Variants in NEK11 observed in about 807,000 individuals in gnomAD.
NEK11 encodes the protein serine/threonine-protein kinase Nek11.
In NEK11, 72 loss-of-function variants were observed where a neutral mutation model predicts 80.7. That is an observed-to-expected ratio of 0.89 (90% CI 0.74 to 1.08). The LOEUF is 1.08. NEK11 is among the 50% of genes least tolerant of loss of function. The pLI is 0.00. For missense variants in NEK11, 764 were observed against 763.6 expected (o/e 1.00, Z -0.01); for synonymous variants, 251 against 260.7 (o/e 0.96, Z 0.36).
intron 16 of NEK11, among the ~76,000 whole-genome samples, chr3:131,271,143 A>T (rs951470355): frequency 2.0e-5 from 3 of 152,050 alleles, no homozygotes; most frequent in Non-Finnish European, 4.4e-5. Context: ...GGCCGAGGCA[A>T]ATTTTCTCTC....
intron 3 of NEK11, among the ~76,000 whole-genome samples, chr3:131,058,383 G>A (rs1486816569): frequency 2.0e-5 from 3 of 152,064 alleles, no homozygotes; most frequent in African/African-American, 7.2e-5. Flanking sequence ...CTCTTTTTTG[G>A]TTCCATATGA....
intron 3 of NEK11, among the ~76,000 whole-genome samples, chr3:131,044,445 G>GT (rs1433784620): frequency 5.9e-5 from 4 of 67,808 alleles, no homozygotes; most frequent in South Asian, 5.8e-4. Flanking sequence ...AAAAAAAAAG[G>GT]TGGGGGGGGG....
At chr3:131,123,795 T>G (rs2082805792) in intron 5 of NEK11, among the ~76,000 whole-genome samples, 1 of 152,104 alleles carries the variant, frequency 6.6e-6, no homozygotes, top group African/African-American at 2.4e-5. Context: ...CTAAACCTGT[T>G]GTCTCTTTGA....
chr3:131,329,516 A>G (rs950085705), intron 17 of NEK11: 1 of 152,140 alleles, frequency 6.6e-6, no homozygotes, highest in Non-Finnish European at 1.5e-5. Flanking sequence ...TTATATTCTA[A>G]TGGGTGATAA....
chr3:131,337,178 T>C (rs950441315), intron 17 of NEK11, among the ~76,000 whole-genome samples: 27 of 152,250 alleles, frequency 1.8e-4, no homozygotes, highest in African/African-American at 6.3e-4. Context: ...ATGTTTATTG[T>C]GGCACTATTC....
chr3:131,209,150 G>A (rs1362704214), intron 14 of NEK11, among the ~76,000 whole-genome samples: 4 of 152,090 alleles, frequency 2.6e-5, no homozygotes, highest in East Asian at 1.9e-4. Flanking sequence ...TCAATACCTA[G>A]CTTATTGAGA....
rs1299350172 is a variant in NEK11, at chr3:131,248,821, T to C, written c.1621+5325T>C. Among the ~76,000 whole-genome samples the C allele has an allele frequency of 3.9e-5, 6 of 152,274 alleles. No individual in the cohort carries two copies. The East Asian group carries it at 9.6e-4, about 24-fold the overall frequency. On this transcript the variant is annotated intron_variant, in intron 16 of 17. Coordinates refer to ENST00000383366, the MANE Select transcript of NEK11 (RefSeq NM_024800.5). ...TTTCCATGTGAAATATTTAAAAATA[T>C]TTTTAGGAGAAATTAGATGCAGACC... is the stretch of plus-strand genomic sequence containing the variant.
intron 3 of NEK11, among the ~76,000 whole-genome samples, chr3:131,070,580 C>T (rs2073096037): frequency 6.6e-6 from 1 of 152,158 alleles, no homozygotes; most frequent in Non-Finnish European, 1.5e-5. Context: ...GTCATTAGTG[C>T]CTCATCGAAA....
intron 16 of NEK11, among the ~76,000 whole-genome samples, chr3:131,244,061 GAC>G (rs1397263432): frequency 7.3e-5 from 11 of 151,646 alleles, no homozygotes; most frequent in Admixed American, 7.2e-4. Flanking sequence ...GATAAACAGT[GAC>G]ACAGAGTATT....
At chr3:131,120,715 C>T (rs1241036781) in intron 5 of NEK11, among the ~76,000 whole-genome samples, 3 of 152,274 alleles carry the variant, frequency 2.0e-5, no homozygotes, top group Admixed American at 6.5e-5. Flanking sequence ...CTTCTCGCTT[C>T]ATTTCATTCA....
intron 3 of NEK11, among the ~76,000 whole-genome samples, chr3:131,036,950 G>C (rs2065742501): frequency 6.6e-6 from 1 of 152,130 alleles, no homozygotes; most frequent in African/African-American, 2.4e-5. Flanking sequence ...GAAAATATAA[G>C]CATTTTCCCA....
intron 5 of NEK11, among the ~76,000 whole-genome samples, chr3:131,116,002 G>A (rs2081163956): frequency 1.1e-5 from 1 of 88,470 alleles, no homozygotes; most frequent in Non-Finnish European, 2.3e-5. Context: ...TATACTTTAA[G>A]TTCTAGGATA....
At chr3:131,108,335 G>A (rs180964469) in intron 4 of NEK11, among the ~76,000 whole-genome samples, 7 of 152,212 alleles carry the variant, frequency 4.6e-5, no homozygotes, top group African/African-American at 1.2e-4. Context: ...TCTGTCATGA[G>A]TAGTCTATGA....
intron 7 of NEK11, among the ~76,000 whole-genome samples, chr3:131,147,057 A>G (rs989557638): frequency 2.0e-5 from 3 of 152,122 alleles, no homozygotes; most frequent in Non-Finnish European, 4.4e-5. Context: ...TTATAAGTTC[A>G]TAACTTTATC....
intron 4 of NEK11, chr3:131,088,248 C>T (rs921031984): frequency 1.3e-5 from 2 of 152,128 alleles, no homozygotes; most frequent in South Asian, 2.1e-4. Context: ...TTTTTATATA[C>T]CTAAACTGAT....
At chr3:131,344,859 G>A (rs1404412145) in intron 17 of NEK11, among the ~76,000 whole-genome samples, 2 of 152,094 alleles carry the variant, frequency 1.3e-5, no homozygotes, top group Non-Finnish European at 2.9e-5. Context: ...CAAGCCATGA[G>A]GGAACAGCTC....
At chr3:131,154,004 G>C (rs574630285) in intron 9 of NEK11, among the ~76,000 whole-genome samples, 3 of 152,276 alleles carry the variant, frequency 2.0e-5, no homozygotes, top group African/African-American at 7.2e-5. Context: ...GAATCACAGG[G>C]AATAGCTGGC....
At chr3:131,202,985 T>C (rs1191549691) in intron 14 of NEK11, among the ~76,000 whole-genome samples, 7 of 128,346 alleles carry the variant, frequency 5.5e-5, no homozygotes. Context: ...TTGGTGGGAG[T>C]GTAAACTAGT....
At chr3:131,281,113 G>C (rs192910815) in intron 17 of NEK11, among the ~76,000 whole-genome samples, 14 of 151,902 alleles carry the variant, frequency 9.2e-5, no homozygotes, top group Non-Finnish European at 1.5e-5. Context: ...GTATACACAG[G>C]TTTATTGATT....
Sources: gnomAD v4.1 joint callset for allele counts (sites outside exome capture counted in the v4.1 genomes callset) on GRCh38, gnomAD v4.1.1 for gene constraint, MANE v1.5 for transcripts, NCBI Gene and HGNC (gene_info 2026-07-23, HGNC 2026-07-21) for gene names.